The following MAP2 variants were observed in gnomAD, a reference collection of about 807,000 sequenced individuals.
MAP2 encodes microtubule-associated protein 2.
Under a neutral mutation model 137.6 loss-of-function variants are expected in MAP2, and 14 were observed. The ratio of observed to expected loss-of-function variants is 0.10; its 90% CI spans 0.07 to 0.16. MAP2 has a LOEUF of 0.16. MAP2 is among the 10% of genes least tolerant of loss of function. MAP2 has a pLI of 1.00. For missense variants in MAP2, 2,088 were observed against 2,191.5 expected, an observed-to-expected ratio of 0.95 and a Z score of 0.94; for synonymous variants, 786 against 782.3, an observed-to-expected ratio of 1.00 and a Z score of -0.08.
At position 209,548,990 on chromosome 2, in the gene MAP2, C is replaced by G. The variant is rs1365331824; in HGVS notation, c.-171-31046C>G. Among the ~76,000 whole-genome samples the G allele has an allele frequency of 3.3e-5, 5 of 152,232 alleles. No homozygotes were observed. In the East Asian group the frequency reaches 9.6e-4, roughly 29 times the overall value. ...TGTAAGAATGAACTAGTAAAGTGCC[C>G]TAACACATTTTGGTCTTTCTGTGTT... On this transcript the variant is annotated intron_variant, in intron 2 of 15. Transcript: ENST00000682079.
chr2:209,473,859 T>C (rs994431939), intron 1 of MAP2, among the ~76,000 whole-genome samples: 3 of 152,206 alleles, frequency 2.0e-5, no homozygotes, highest in African/African-American at 7.2e-5. Flanking sequence ...ATTTGTATCC[T>C]TGTATTTTAC....
intron 3 of MAP2, among the ~76,000 whole-genome samples, chr2:209,608,900 G>T (rs900675539): frequency 2.0e-5 from 3 of 151,688 alleles, no homozygotes; most frequent in Non-Finnish European, 4.4e-5. Flanking sequence ...CTCATCCCCT[G>T]CTTGCCCAAA....
intron 4 of MAP2, among the ~76,000 whole-genome samples, chr2:209,633,256 CA>C (rs2093266751): frequency 6.6e-6 from 1 of 152,138 alleles, no homozygotes; most frequent in Middle Eastern, 3.2e-3. Flanking sequence ...CTGTTCAATT[CA>C]AATGCCATTC....
At chr2:209,595,616 C>A (rs975308714) in intron 3 of MAP2, among the ~76,000 whole-genome samples, 7 of 152,074 alleles carry the variant, frequency 4.6e-5, no homozygotes, top group African/African-American at 1.7e-4. Flanking sequence ...GGGTATATAC[C>A]CAAAGCATTA....
At chr2:209,515,984 G>A (rs190219829) in intron 2 of MAP2, among the ~76,000 whole-genome samples, 9 of 151,834 alleles carry the variant, frequency 5.9e-5, no homozygotes, top group Admixed American at 5.9e-4. Context: ...TTGCAAAGAT[G>A]GGGTCTCATT....
chr2:209,447,308 C>T (rs12986778), intron 1 of MAP2, among the ~76,000 whole-genome samples: 20,480 of 151,914 alleles, frequency 0.13, 3,387 homozygotes, highest in African/African-American at 0.39. Flanking sequence ...GCCACTTTCA[C>T]AGAACTACCA....
At chr2:209,569,487 A>G (rs1249295238) in intron 2 of MAP2, among the ~76,000 whole-genome samples, 1 of 151,894 alleles carries the variant, frequency 6.6e-6, no homozygotes, top group Non-Finnish European at 1.5e-5. Flanking sequence ...AAGGATAAAC[A>G]TAACAAGTAA....
chr2:209,495,556 G>A (rs1338663678), intron 1 of MAP2, among the ~76,000 whole-genome samples: 1 of 152,208 alleles, frequency 6.6e-6, no homozygotes, highest in Non-Finnish European at 1.5e-5. Context: ...GGTCTGGAGT[G>A]GACCTCCAGC....
At chr2:209,641,703 A>T (rs2094037648) in intron 4 of MAP2, among the ~76,000 whole-genome samples, 1 of 151,940 alleles carries the variant, frequency 6.6e-6, no homozygotes, top group Non-Finnish European at 1.5e-5. Flanking sequence ...GGGACTTAAA[A>T]AAAAGAAAAA....
chr2:209,486,736 T>C (rs2058436985), intron 1 of MAP2, among the ~76,000 whole-genome samples: 1 of 152,214 alleles, frequency 6.6e-6, no homozygotes. Flanking sequence ...ATAGGTGAAT[T>C]ATAGGGGAAA....
chr2:209,577,393 CA>C (rs2075528614), intron 2 of MAP2, among the ~76,000 whole-genome samples: 1 of 151,048 alleles, frequency 6.6e-6, no homozygotes, highest in African/African-American at 2.4e-5. Context: ...TTTTAGACAT[CA>C]AAAAAAGCAG....
rs767960991 is a variant in MAP2, at chr2:209,696,246, T to C, written c.4076T>C (p.Val1359Ala). The change falls in exon 8 of 16, where the codon GTT becomes GCT. Residue 1359 changes from valine (V) to alanine (A), a missense_variant. Coordinates refer to ENST00000682079, the MANE Select transcript of MAP2 (RefSeq NM_001375505.1). ...CCAGCTTCCCCTGAGAGAGAAGAGG[T>C]TGCACTTTCTGAATATAAGACAGAA... ...EAPASPEREEVALSEYKTETY... is the reference protein window; with the variant it reads ...EAPASPEREEAALSEYKTETY... The C allele has an allele frequency of 1.1e-4, 183 of 1,612,940 alleles. No individual in the cohort carries two copies. The highest frequency in any genetic ancestry group is 1.4e-4 in the Non-Finnish European group (160 of 1,179,722).
intron 2 of MAP2, among the ~76,000 whole-genome samples, chr2:209,568,918 C>G (rs2073941883): frequency 6.6e-6 from 1 of 151,746 alleles, no homozygotes; most frequent in Non-Finnish European, 1.5e-5. Context: ...GCCCATTTCT[C>G]TTGCAAATAT....
intron 12 of MAP2, among the ~76,000 whole-genome samples, chr2:209,707,961 T>C (rs1414318101): frequency 6.6e-6 from 1 of 152,150 alleles, no homozygotes; most frequent in Non-Finnish European, 1.5e-5. Flanking sequence ...CAGCACACTT[T>C]GATGAATTCT....
At chr2:209,513,517 A>G (rs1024292077) in intron 2 of MAP2, among the ~76,000 whole-genome samples, 15 of 152,038 alleles carry the variant, frequency 9.9e-5, no homozygotes, top group Admixed American at 3.3e-4. Context: ...AATATAAACA[A>G]TTGTATTACA....
At chr2:209,592,375 G>T (rs1379534364) in intron 3 of MAP2, among the ~76,000 whole-genome samples, 1 of 152,112 alleles carries the variant, frequency 6.6e-6, no homozygotes, top group African/African-American at 2.4e-5. Flanking sequence ...CCTCATTTTA[G>T]GCTATATTCG....
intron 1 of MAP2, among the ~76,000 whole-genome samples, chr2:209,473,972 T>C (rs1298985506): frequency 6.6e-6 from 1 of 152,228 alleles, no homozygotes; most frequent in Non-Finnish European, 1.5e-5. Flanking sequence ...TTATGCAATC[T>C]TTGTCTATTT....
intron 1 of MAP2, among the ~76,000 whole-genome samples, chr2:209,482,302 A>C (rs2057815798): frequency 6.6e-6 from 1 of 152,196 alleles, no homozygotes. Flanking sequence ...GTTTGCATAA[A>C]TGACTGTCAG....
intron 5 of MAP2, among the ~76,000 whole-genome samples, chr2:209,669,368 C>G (rs2047774209): frequency 6.6e-6 from 1 of 151,974 alleles, no homozygotes; most frequent in East Asian, 1.9e-4. Context: ...ATCTAGGTCA[C>G]AAGGCTTCCA....
Sources: gnomAD v4.1 joint callset for allele counts (sites outside exome capture counted in the v4.1 genomes callset) on GRCh38, gnomAD v4.1.1 for gene constraint, MANE v1.5 for transcripts, NCBI Gene and HGNC (gene_info 2026-07-23, HGNC 2026-07-21) for gene names.